The following RIMS2 variants were observed in gnomAD, a reference collection of about 807,000 sequenced individuals.
RIMS2 encodes the protein regulating synaptic membrane exocytosis protein 2.
In RIMS2, 59 loss-of-function variants were observed where a neutral mutation model predicts 174.4. The ratio of observed to expected loss-of-function variants is 0.34; its 90% CI spans 0.27 to 0.42. The LOEUF (loss-of-function observed/expected upper bound fraction) is 0.42. Among genes scored for constraint, RIMS2 ranks in the 10% least tolerant of loss-of-function variants. The pLI is 1.00. For synonymous variants in RIMS2, 606 were observed against 572.5 expected (o/e 1.06, Z -0.84); for missense variants, 1,620 against 1,666.3 (o/e 0.97, Z 0.48).
chr8:103,542,923 A>G (rs1587244919), intron 1 of RIMS2, among the ~76,000 whole-genome samples: 2 of 152,192 alleles, frequency 1.3e-5, no homozygotes, highest in Non-Finnish European at 2.9e-5. Flanking sequence ...ATCATTCCCA[A>G]TGGTGAAAGT....
At chr8:104,144,715 C>G (rs1242397815) in intron 19 of RIMS2, among the ~76,000 whole-genome samples, 1 of 152,086 alleles carries the variant, frequency 6.6e-6, no homozygotes, top group African/African-American at 2.4e-5. Flanking sequence ...TTTCTGAACA[C>G]ATAATTTTAT....
chr8:104,228,340 T>C (rs1282231512), intron 19 of RIMS2, among the ~76,000 whole-genome samples: 1 of 152,180 alleles, frequency 6.6e-6, no homozygotes, highest in Non-Finnish European at 1.5e-5. Context: ...GCTTCACTCT[T>C]TAAGAGGTTT....
At chr8:103,880,276 T>G (rs1245460148) in intron 3 of RIMS2, 1 of 168,618 alleles carries the variant, frequency 5.9e-6, no homozygotes, top group Non-Finnish European at 1.3e-5. Flanking sequence ...TTAAGCGTAG[T>G]GCCCAGAAAT....
intron 5 of RIMS2, 107 bp from the exon 8 acceptor site, chr8:103,910,214 G>A (rs778458987): frequency 1.9e-6 from 3 of 1,583,744 alleles, no homozygotes; most frequent in Non-Finnish European, 2.6e-6. Flanking sequence ...GAGACATGTG[G>A]AGCCTTACTA....
chr8:103,905,720 G>A (rs1014107901), intron 4 of RIMS2, among the ~76,000 whole-genome samples: 1 of 144,324 alleles, frequency 6.9e-6, no homozygotes, highest in African/African-American at 2.5e-5. Flanking sequence ...TGATATGAGT[G>A]TTAGACTTTT....
chr8:103,731,135 G>T (rs900332984), intron 2 of RIMS2, among the ~76,000 whole-genome samples: 4 of 152,108 alleles, frequency 2.6e-5, no homozygotes, highest in Non-Finnish European at 5.9e-5. Flanking sequence ...CTCCCACAGG[G>T]TCCCTCCTAT....
At chr8:104,077,088 A>G (rs1003340430) in intron 19 of RIMS2, among the ~76,000 whole-genome samples, 1 of 151,810 alleles carries the variant, frequency 6.6e-6, no homozygotes, top group Non-Finnish European at 1.5e-5. Context: ...ACAAAGTGCT[A>G]GGATTACAGG....
At chr8:104,104,302 G>A (rs2097983524) in intron 19 of RIMS2, among the ~76,000 whole-genome samples, 1 of 152,182 alleles carries the variant, frequency 6.6e-6, no homozygotes, top group Non-Finnish European at 1.5e-5. Flanking sequence ...GAGACAAACA[G>A]TTTCAAGAGA....
At chr8:103,780,624 G>C (rs1174055352) in intron 3 of RIMS2, among the ~76,000 whole-genome samples, 1 of 151,968 alleles carries the variant, frequency 6.6e-6, no homozygotes, top group Non-Finnish European at 1.5e-5. Flanking sequence ...AAATTTCTCA[G>C]ATGAATTCCT....
At chr8:103,610,290 A>G (rs2095323097) in intron 1 of RIMS2, among the ~76,000 whole-genome samples, 1 of 152,094 alleles carries the variant, frequency 6.6e-6, no homozygotes, top group Non-Finnish European at 1.5e-5. Flanking sequence ...GGATAGTTTG[A>G]CTTTCTGTCT....
chr8:103,593,397 G>A (rs528790692), intron 1 of RIMS2, among the ~76,000 whole-genome samples: 11 of 151,698 alleles, frequency 7.3e-5, no homozygotes, highest in South Asian at 2.1e-4. Context: ...AGATTTTAAT[G>A]TAACAGAGTA....
chr8:103,744,577 A>G (rs746869581), intron 2 of RIMS2, among the ~76,000 whole-genome samples: 1 of 152,128 alleles, frequency 6.6e-6, no homozygotes, highest in Non-Finnish European at 1.5e-5. Flanking sequence ...TGTTATATGT[A>G]CCCTACTCAT....
chr8:104,043,309 T>G (rs2096640248), intron 19 of RIMS2, among the ~76,000 whole-genome samples: 1 of 151,638 alleles, frequency 6.6e-6, no homozygotes, highest in Admixed American at 6.6e-5. Context: ...AAGGATATCC[T>G]GAAGAATGGT....
chr8:103,736,006 T>C (rs536206632), intron 2 of RIMS2, among the ~76,000 whole-genome samples: 1 of 152,336 alleles, frequency 6.6e-6, no homozygotes, highest in South Asian at 2.1e-4. Context: ...GCATAGGTGC[T>C]AAAATGTAAA....
chr8:103,863,903 T>C (rs924576028), intron 3 of RIMS2, among the ~76,000 whole-genome samples: 15 of 120,542 alleles, frequency 1.2e-4, no homozygotes, highest in Non-Finnish European at 2.7e-4. Context: ...TTTTTTGTTT[T>C]TTTTGTTTGT....
chr8:103,788,912 C>G (rs531050113), intron 3 of RIMS2, among the ~76,000 whole-genome samples: 1 of 152,238 alleles, frequency 6.6e-6, no homozygotes, highest in Non-Finnish European at 1.5e-5. Context: ...GCTGTGCTAG[C>G]AATCAGCGAG....
intron 4 of RIMS2, among the ~76,000 whole-genome samples, chr8:103,898,407 A>G (rs2099304012): frequency 1.3e-5 from 2 of 151,684 alleles, no homozygotes; most frequent in Non-Finnish European, 2.9e-5. Context: ...GGAAAAAAAC[A>G]TATTTACCAG....
At chr8:103,531,121 A>G (rs1323670391) in intron 1 of RIMS2, among the ~76,000 whole-genome samples, 1 of 151,866 alleles carries the variant, frequency 6.6e-6, no homozygotes, top group Non-Finnish European at 1.5e-5. Flanking sequence ...CAAGTAATTA[A>G]TATGCTGGAC....
intron 19 of RIMS2, among the ~76,000 whole-genome samples, chr8:104,087,677 C>T (rs1395445050): frequency 2.6e-5 from 4 of 152,078 alleles, no homozygotes; most frequent in Non-Finnish European, 5.9e-5. Flanking sequence ...ATAAAATAAT[C>T]CACACATATT....
Sources: allele counts gnomAD v4.1 joint callset (sites outside exome capture counted in the v4.1 genomes callset), GRCh38; gene constraint gnomAD v4.1.1; transcripts MANE v1.5; gene names NCBI Gene and HGNC (gene_info 2026-07-23, HGNC 2026-07-21).